Variants in TM9SF4 observed in about 807,000 individuals in gnomAD.
TM9SF4 encodes the protein dinucleotide oxidase disulfide thiol exchanger 3 superfamily member 4.
Under a neutral mutation model 90.4 loss-of-function variants are expected in TM9SF4, and 26 were observed. The observed-to-expected ratio is 0.29, with a 90% CI of 0.21 to 0.40. The LOEUF is 0.40. Ranked by LOEUF, TM9SF4 falls within the 10% of genes least tolerant of loss-of-function variation. The pLI, the probability that TM9SF4 is intolerant of heterozygous loss-of-function variation, is 1.00. For synonymous variants in TM9SF4, 293 were observed against 315.4 expected (o/e 0.93, Z 0.75); for missense variants, 549 against 834.8 (o/e 0.66, Z 4.22).
intron 3 of TM9SF4, chr20:32,136,904 G>T (rs1409553296): frequency 2.1e-6 from 1 of 471,090 alleles, no homozygotes; most frequent in Non-Finnish European, 4.4e-6. Context: ...ACTGGTTCTT[G>T]AGCAAGCCCC....
At chr20:32,161,407 T>C (rs1426497364) in intron 17 of TM9SF4, 42 bp downstream of exon 17, 1 of 1,585,874 alleles carries the variant, frequency 6.3e-7, no homozygotes, top group African/African-American at 1.3e-5. Context: ...CCTCATAGGG[T>C]AGGAAGGTCA....
At position 32,150,828 on chromosome 20, in the gene TM9SF4, C is replaced by A; in HGVS notation, c.1198C>A (p.Leu400Met). ...GVFGGFSAGR[L>M]YRTLKGHRWK... ...GTTTGGCGGATTTTCTGCTGGCCGT[C>A]TGTACCGCACTTTAAAAGGCCATCG... Residue 400 changes from leucine to methionine, a missense_variant, in exon 12 of 18, where the codon CTG becomes ATG. Transcript: ENST00000398022. 6.2e-7 allele frequency: 1 copy of A among 1,614,236 alleles called. No homozygotes were observed. The highest frequency in any genetic ancestry group is 1.1e-5 in the South Asian group (1 of 91,084).
At chr20:32,142,940 T>G in intron 5 of TM9SF4, 42 bp from the exon 6 acceptor site, 1 of 1,607,544 alleles carries the variant, frequency 6.2e-7, no homozygotes, top group South Asian at 1.1e-5. Context: ...AGAGTATCCC[T>G]AAGTGATGTT....
intron 3 of TM9SF4, chr20:32,136,791 CTG>C (rs1187657452): frequency 4.3e-6 from 2 of 463,408 alleles, no homozygotes; most frequent in South Asian, 1.6e-5. Context: ...TCCTCTGTGA[CTG>C]TGTTAGGTCC....
At position 32,152,057 on chromosome 20, in the gene TM9SF4, A is replaced by G. The variant is rs576058890; in HGVS notation, c.1245+1182A>G. Reference sequence around the variant, plus strand: ...TTTTTTTTTTTTGTATTTTTAGTAGAGATGGGGTTTCACCATGTTAGCCAG... The same window carrying G: ...TTTTTTTTTTTTGTATTTTTAGTAGGGATGGGGTTTCACCATGTTAGCCAG... On this transcript the variant is annotated intron_variant, in intron 12 of 17. Coordinates refer to ENST00000398022, the MANE Select transcript of TM9SF4 (RefSeq NM_014742.4). Among the ~76,000 whole-genome samples, 4 of 150,348 alleles carry G rather than the reference A, an allele frequency of 2.7e-5. No individual in the cohort carries two copies. The East Asian group carries it at 7.8e-4, about 29-fold the overall frequency.
chr20:32,126,091 A>ACACACACACG (rs2046416879), intron 1 of TM9SF4, among the ~76,000 whole-genome samples: 1 of 150,248 alleles, frequency 6.7e-6, no homozygotes, highest in South Asian at 2.1e-4. Flanking sequence ...ACACACACAC[A>ACACACACACG]CACACACACA....
intron 1 of TM9SF4, among the ~76,000 whole-genome samples, chr20:32,113,077 C>G (rs1003454285): frequency 2.6e-5 from 4 of 152,158 alleles, no homozygotes; most frequent in Non-Finnish European, 4.4e-5. Flanking sequence ...GGTAGACCTA[C>G]TTTGGAGTGT....
chr20:32,152,249 AACTCACC>A (rs2046853606), intron 12 of TM9SF4, among the ~76,000 whole-genome samples: 1 of 151,444 alleles, frequency 6.6e-6, no homozygotes, highest in Non-Finnish European at 1.5e-5. Context: ...AGAGGAGTAA[AACTCACC>A]ACTCCCTCCT....
At position 32,158,460 on chromosome 20, in the gene TM9SF4, G is replaced by A. The variant is rs772611024; in HGVS notation, c.1515G>A (p.Met505Ile). 1.2e-6 allele frequency: 2 copies of A among 1,614,214 alleles called. No individual in the cohort carries two copies. Among genetic ancestry groups the A allele is most frequent in the Non-Finnish European group, 1.7e-6 (2 of 1,180,040 alleles). Residue 505 changes from methionine (M) to isoleucine (I), a missense_variant, in exon 15 of 18, where the codon ATG (methionine) becomes ATA (isoleucine). Met to Ile is a conservative substitution (Grantham distance 10, BLOSUM62 1). Around this residue, in one of 2 missense-constraint regions of TM9SF4, gnomAD observed 495 missense variants for 711.7 expected, o/e 0.70. Coordinates refer to ENST00000398022, the MANE Select transcript of TM9SF4 (RefSeq NM_014742.4). ...TCTCGTTCTGTGGCAGCATCCTCATGGCTGGGATCTTGCCCTTCGGCGCCA... is the reference window on the plus strand; with the variant it reads ...TCTCGTTCTGTGGCAGCATCCTCATAGCTGGGATCTTGCCCTTCGGCGCCA... ...WYMNRFVGIL[M>I]AGILPFGAMF...
At chr20:32,145,815 G>C (rs2046755076) in intron 8 of TM9SF4, among the ~76,000 whole-genome samples, 1 of 152,218 alleles carries the variant, frequency 6.6e-6, no homozygotes, top group Non-Finnish European at 1.5e-5. Flanking sequence ...CAAATAAGTA[G>C]TGGAGTTCCA....
At chr20:32,152,183 C>T (rs541617451) in intron 12 of TM9SF4, among the ~76,000 whole-genome samples, 1 of 152,026 alleles carries the variant, frequency 6.6e-6, no homozygotes, top group African/African-American at 2.4e-5. Context: ...TTCCTGAATT[C>T]TTGATGATTT....
intron 3 of TM9SF4, among the ~76,000 whole-genome samples, chr20:32,139,828 AG>A (rs1167318584): frequency 6.6e-6 from 1 of 152,158 alleles, no homozygotes; most frequent in Non-Finnish European, 1.5e-5. Flanking sequence ...CCCACCCCAA[AG>A]GGGCCTTTGC....
chr20:32,125,338 C>A (rs1384360290), intron 1 of TM9SF4, among the ~76,000 whole-genome samples: 2 of 152,162 alleles, frequency 1.3e-5, no homozygotes, highest in Non-Finnish European at 2.9e-5. Flanking sequence ...AGATAAGAAC[C>A]CAAGACTCAA....
chr20:32,142,344 A>T (rs1487544334), intron 5 of TM9SF4, among the ~76,000 whole-genome samples: 1 of 152,194 alleles, frequency 6.6e-6, no homozygotes, highest in African/African-American at 2.4e-5. Flanking sequence ...ACAGCCCTGG[A>T]GAATCAGCTA....
chr20:32,133,657 G>C (rs893055965), intron 2 of TM9SF4, among the ~76,000 whole-genome samples: 1 of 152,186 alleles, frequency 6.6e-6, no homozygotes, highest in African/African-American at 2.4e-5. Context: ...GCATGGCTTA[G>C]CTCAGGTTGC....
intron 9 of TM9SF4, among the ~76,000 whole-genome samples, chr20:32,149,212 ATTAC>A (rs1251536200): frequency 2.6e-5 from 4 of 152,186 alleles, no homozygotes; most frequent in African/African-American, 7.2e-5. Flanking sequence ...ATAAACATGT[ATTAC>A]TTTTTGTTCA....
intron 12 of TM9SF4, among the ~76,000 whole-genome samples, chr20:32,153,600 T>C (rs1378815105): frequency 2.0e-5 from 3 of 151,962 alleles, no homozygotes; most frequent in Non-Finnish European, 4.4e-5. Flanking sequence ...AATAAATTAC[T>C]TGGATGTGGT....
At chr20:32,158,371 C>T in intron 14 of TM9SF4, 80 bp from the exon 15 acceptor site, 7 of 1,407,560 alleles carry the variant, frequency 5.0e-6, no homozygotes, top group Non-Finnish European at 7.0e-6. Flanking sequence ...GGTGCTCTCT[C>T]TTCATGCCAG....
intron 16 of TM9SF4, among the ~76,000 whole-genome samples, chr20:32,160,513 C>T (rs1300773919): frequency 1.3e-5 from 2 of 152,140 alleles, no homozygotes; most frequent in Non-Finnish European, 2.9e-5. Context: ...GACCCTGGCT[C>T]CTCCATGAGT....
Sources: allele counts gnomAD v4.1 joint callset (sites outside exome capture counted in the v4.1 genomes callset), GRCh38; gene constraint gnomAD v4.1.1; regional missense constraint gnomAD v4.1.1; transcripts MANE v1.5; gene names NCBI Gene and HGNC (gene_info 2026-07-23, HGNC 2026-07-21).